The following GARNL3 variants were observed in gnomAD, a reference collection of about 807,000 sequenced individuals.
GARNL3 encodes GTPase-activating Rap/Ran-GAP domain-like protein 3.
A neutral mutation model predicts 125.0 loss-of-function variants in GARNL3; 63 were observed. The ratio of observed to expected loss-of-function variants is 0.50; its 90% confidence interval spans 0.41 to 0.62. The LOEUF is 0.62. Among genes scored for constraint, GARNL3 ranks in the 20% least tolerant of loss-of-function variants. GARNL3 has a pLI of 0.00. For synonymous variants in GARNL3, 439 were observed against 457.5 expected (o/e 0.96, Z 0.52); for missense variants, 994 against 1,244.0 (o/e 0.80, Z 3.02).
chr9:127,303,253 A>G (rs997917602), intron 2 of GARNL3, among the ~76,000 whole-genome samples: 5 of 152,346 alleles, frequency 3.3e-5, no homozygotes, highest in Middle Eastern at 3.4e-3. Flanking sequence ...ATGAAAACAA[A>G]TTATGTATAT....
intron 25 of GARNL3, among the ~76,000 whole-genome samples, chr9:127,387,743 C>CAA (rs59031446): frequency 1.6e-4 from 9 of 57,898 alleles, no homozygotes; most frequent in South Asian, 6.4e-4. Context: ...ACTCTGTCTA[C>CAA]AAAAAAAAAA....
intron 2 of GARNL3, among the ~76,000 whole-genome samples, chr9:127,296,098 C>T (rs372754759): frequency 6.6e-6 from 1 of 152,116 alleles, no homozygotes; most frequent in African/African-American, 2.4e-5. Context: ...GGTTCATGCT[C>T]CTGCGAGGAT....
At chr9:127,231,514 C>T (rs2063019476) in intron 1 of GARNL3, among the ~76,000 whole-genome samples, 2 of 152,106 alleles carry the variant, frequency 1.3e-5, no homozygotes, top group Non-Finnish European at 2.9e-5. Context: ...AGAGGCCAAA[C>T]CACATATGAG....
At chr9:127,313,390 TG>T (rs773377543) in intron 3 of GARNL3, 50 bp from the exon 4 acceptor site, 1 of 1,279,110 alleles carries the variant, frequency 7.8e-7, no homozygotes, top group South Asian at 1.2e-5. Context: ...CTACCATCTG[TG>T]GCTGGCAGGA....
At chr9:127,306,209 G>A (rs1207371350) in intron 2 of GARNL3, among the ~76,000 whole-genome samples, 1 of 152,072 alleles carries the variant, frequency 6.6e-6, no homozygotes, top group Non-Finnish European at 1.5e-5. Context: ...GGATTACGAA[G>A]GAAAACAGTT....
At chr9:127,231,783 C>T (rs748838727) in intron 1 of GARNL3, among the ~76,000 whole-genome samples, 2 of 152,156 alleles carry the variant, frequency 1.3e-5, no homozygotes, top group Non-Finnish European at 2.9e-5. Flanking sequence ...AGTCAGATTG[C>T]TAATACAGTT....
chr9:127,348,808 T>G, intron 16 of GARNL3, 116 bp from the exon 17 acceptor site: 1 of 648,646 alleles, frequency 1.5e-6, no homozygotes. Flanking sequence ...GTGACTCCGC[T>G]CCCACGGGGG....
intron 3 of GARNL3, among the ~76,000 whole-genome samples, chr9:127,312,840 A>G (rs2065131750): frequency 6.6e-6 from 1 of 152,242 alleles, no homozygotes; most frequent in Non-Finnish European, 1.5e-5. Context: ...GCTTGCAAGT[A>G]GTGCTCAGAG....
At chr9:127,366,472 C>T (rs952074131) in intron 22 of GARNL3, among the ~76,000 whole-genome samples, 2 of 152,182 alleles carry the variant, frequency 1.3e-5, no homozygotes, top group African/African-American at 4.8e-5. Flanking sequence ...CTCCTGCTGC[C>T]CTGCATCCCC....
rs185571057 is a variant in GARNL3 at position 127,322,067 on chromosome 9, C to G, written c.567+1289C>G. Among the ~76,000 whole-genome samples the G allele has an allele frequency of 9.3e-3, 1,409 of 151,994 alleles. 8 individuals are homozygous for G. The highest frequency in any genetic ancestry group is 0.024 in the South Asian group (115 of 4,796). On this transcript the variant is annotated intron_variant, in intron 6 of 27. Transcript: ENST00000373387. Reference sequence around the variant, plus strand: ...GCCTCAACCCCAGACGGAACTCAGGCAAAAATGGGTATGTTAGTTTAAACT... The same window carrying G: ...GCCTCAACCCCAGACGGAACTCAGGGAAAAATGGGTATGTTAGTTTAAACT...
Position 127,354,277 on chromosome 9 carries a change from CTT to C in GARNL3, c.1643-12_1643-11del. 1 of 1,597,040 alleles carries C rather than the reference CTT, an allele frequency of 6.3e-7. No individual in the cohort carries two copies. Among genetic ancestry groups the C allele is most frequent in the Non-Finnish European group, 8.6e-7 (1 of 1,166,106 alleles). On this transcript the variant is annotated splice_polypyrimidine_tract_variant and intron_variant, in intron 18 of 27. Transcript: ENST00000373387. ...TTTTCCATTTAATCTCCTCCTCTGTCTTTTTTATGTCACCAGGAAAAGATGCT... is the reference window on the plus strand; with the variant it reads ...TTTTCCATTTAATCTCCTCCTCTGTCTTTTATGTCACCAGGAAAAGATGCT...
In GARNL3 at chr9:127,225,325, C is replaced by T. The variant is rs570213084; in HGVS notation, c.-29+987C>T. 5,129 of 984,130 alleles carry T rather than the reference C, an allele frequency of 5.2e-3. 21 individuals are homozygous for T. Among genetic ancestry groups the T allele is most frequent in the Non-Finnish European group, 5.7e-3 (4,712 of 829,372 alleles). The allele number at this position is 984,130 out of a possible 1,614,324, so 61.0% of individuals were successfully genotyped here. The stretch of plus-strand genomic sequence containing the variant: ...CCGCCCGGGGCGATGGAACCGGAGC[C>T]CGGCGGGGTGGCCGCTGCGCTCCTG... On this transcript the variant is annotated intron_variant, in intron 1 of 10. Transcript: ENST00000439286.
At chr9:127,265,121 A>T (rs1379621900) in intron 1 of GARNL3, 100 bp downstream of exon 1, 2 of 972,424 alleles carry the variant, frequency 2.1e-6, no homozygotes, top group Admixed American at 4.7e-5. Flanking sequence ...CTGTTAGACC[A>T]TGTGGGTACA....
chr9:127,242,254 G>C lies in GARNL3; in HGVS notation c.-28-825G>C, dbSNP rs913998518. Among the ~76,000 whole-genome samples the C allele has an allele frequency of 6.6e-6, 1 of 152,138 alleles. No homozygotes were observed. The highest frequency in any genetic ancestry group is 2.4e-5 in the African/African-American group (1 of 41,410). ...TTATAAAGAGTCCCCTTTGACCAAA[G>C]TGTTACATAAAATTGCTTTTTATTT... On this transcript the variant is annotated intron_variant, in intron 1 of 10. Transcript: ENST00000439286. The surrounding 1 kb of genome is among the most constrained non-coding windows in gnomAD (Gnocchi z 4.6).
At chr9:127,249,387 C>T (rs1276825807) in intron 2 of GARNL3, among the ~76,000 whole-genome samples, 1 of 151,388 alleles carries the variant, frequency 6.6e-6, no homozygotes, top group African/African-American at 2.4e-5. Context: ...AGTTCAAGAC[C>T]AGCCCGGGCA....
chr9:127,344,166 A>G, intron 14 of GARNL3, 69 bp from the exon 15 acceptor site: 1 of 1,044,830 alleles, frequency 9.6e-7, no homozygotes, highest in East Asian at 2.4e-5. Context: ...AGTTTTGTGC[A>G]CTATGAGAAG....
chr9:127,334,197 G>T (rs1314965119), intron 9 of GARNL3, among the ~76,000 whole-genome samples: 1 of 152,158 alleles, frequency 6.6e-6, no homozygotes, highest in Non-Finnish European at 1.5e-5. Context: ...AGTGGGGAAG[G>T]TAGGTAAGAT....
At chr9:127,313,288 C>T (rs931610979) in intron 3 of GARNL3, 153 bp from the exon 4 acceptor site, 1 of 670,024 alleles carries the variant, frequency 1.5e-6, no homozygotes, top group South Asian at 1.7e-5. Flanking sequence ...ATACATGATC[C>T]CCCGAGAGAG....
chr9:127,263,169 G>C (rs1326648303), upstream of GARNL3, among the ~76,000 whole-genome samples: 1 of 152,214 alleles, frequency 6.6e-6, no homozygotes, highest in Non-Finnish European at 1.5e-5. Context: ...TAAGGAAGGT[G>C]GTGGGTCTAG....
Sources: allele counts gnomAD v4.1 joint callset (sites outside exome capture counted in the v4.1 genomes callset), GRCh38; gene constraint gnomAD v4.1.1; non-coding constraint Gnocchi (gnomAD v3.1); transcripts MANE v1.5; gene names NCBI Gene and HGNC (gene_info 2026-07-23, HGNC 2026-07-21).